Variants in CYP7B1 observed in about 807,000 individuals in gnomAD.
CYP7B1 encodes cytochrome P450 7B1.
In CYP7B1, 29 loss-of-function variants were observed where a neutral mutation model predicts 42.7. That is an observed-to-expected ratio of 0.68 (90% confidence interval 0.51 to 0.93). CYP7B1 has a LOEUF of 0.93. CYP7B1 is among the 40% of genes least tolerant of loss of function. The pLI is 0.00. For missense variants in CYP7B1, 655 were observed against 600.5 expected (o/e 1.09, Z -0.95); for synonymous variants, 235 against 218.2 (o/e 1.08, Z -0.68).
intron 1 of CYP7B1, among the ~76,000 whole-genome samples, chr8:64,667,169 G>A (rs1806293349): frequency 6.6e-6 from 1 of 152,126 alleles, no homozygotes. Flanking sequence ...AATAGAAGGA[G>A]GAAAGAAACC....
At chr8:64,743,488 A>AAGTCCAAGATCAAGGTGTCCACAGGGTT (rs1807598881) in intron 1 of CYP7B1, among the ~76,000 whole-genome samples, 3 of 152,174 alleles carry the variant, frequency 2.0e-5, no homozygotes, top group Admixed American at 1.3e-4. Flanking sequence ...TGGAAGCTAA[A>AAGTCCAAGATCAAGGTGTCCACAGGGTT]AGTCCAAGAT....
chr8:64,730,911 C>G (rs1807399321), intron 1 of CYP7B1, among the ~76,000 whole-genome samples: 1 of 152,108 alleles, frequency 6.6e-6, no homozygotes, highest in African/African-American at 2.4e-5. Context: ...TCCCCTCATG[C>G]TGGTCTCATG....
At chr8:64,621,732 CA>C (rs1437603450) in intron 2 of CYP7B1, among the ~76,000 whole-genome samples, 1 of 143,776 alleles carries the variant, frequency 7.0e-6, no homozygotes, top group Non-Finnish European at 1.5e-5. Flanking sequence ...AGAATGCATA[CA>C]ATTTTTTTTT....
chr8:64,751,638 A>G (rs1807727128), intron 1 of CYP7B1, among the ~76,000 whole-genome samples: 1 of 152,202 alleles, frequency 6.6e-6, no homozygotes, highest in Non-Finnish European at 1.5e-5. Context: ...AACGGCATGC[A>G]TGCATTTCAG....
In CYP7B1 at chr8:64,593,232, GGTGTGTGTGTGTGTGTGTGTGT is replaced by G. The variant is rs57590025; in HGVS notation, c.*3388_*3409del. On this transcript the variant is annotated 3_prime_UTR_variant, in exon 6 of 6. Coordinates refer to ENST00000310193, the MANE Select transcript of CYP7B1 (RefSeq NM_004820.5). ...TGGTGGACTAAAGGCTAGGGCCCAG[GGTGTGTGTGTGTGTGTGTGTGT>G]GTGTGTGTGTGTGTGTGTGTGTGTG... Among the ~76,000 whole-genome samples the G allele has an allele frequency of 4.9e-5, 6 of 123,454 alleles. 1 individual carries two copies. The highest frequency in any genetic ancestry group is 4.6e-4 in the East Asian group (2 of 4,334). 81.0% of individuals were successfully genotyped at this position (123,454 alleles called of 152,430 possible).
Position 64,638,724 on chromosome 8 carries a change from C to T in CYP7B1, c.123-14185G>A, listed in dbSNP as rs960250700. 2.6e-5 allele frequency among the ~76,000 whole-genome samples: 4 copies of T among 151,990 alleles called. No individual in the cohort carries two copies. The East Asian group carries it at 5.8e-4, about 22-fold the overall frequency. ...TCACTGTGTTGTTCCCAAAACTACT[C>T]CAACACTCGCGTAAGTGATACTAAT... On this transcript the variant is annotated intron_variant, in intron 1 of 5. Coordinates refer to ENST00000310193, the MANE Select transcript of CYP7B1 (RefSeq NM_004820.5).
At position 64,604,710 on chromosome 8, in the gene CYP7B1, C is replaced by T. The variant is rs1412231521; in HGVS notation, c.1205G>A (p.Gly402Asp). The T allele has an allele frequency of 5.6e-6, 9 of 1,613,970 alleles. No individual in the cohort carries two copies. The highest frequency in any genetic ancestry group is 2.7e-5 in the African/African-American group (2 of 74,886). The change falls in exon 5 of 6, where the codon GGT becomes GAT. Residue 402 changes from glycine (G) to aspartate (D), a missense_variant. By Grantham distance (94) the Gly-to-Asp change is moderately conservative. Transcript: ENST00000310193. Reference protein sequence around the residue: ...LVAIFPPVLHGDPEIFEAPEE... With the variant: ...LVAIFPPVLHDDPEIFEAPEE... ...TGGAGCTTCAAAGATTTCAGGGTCA[C>T]CATGTAGGACTGGAGGAAAGATGGC...
At chr8:64,722,216 G>C (rs1412732095) in intron 1 of CYP7B1, among the ~76,000 whole-genome samples, 2 of 152,166 alleles carry the variant, frequency 1.3e-5, no homozygotes, top group Non-Finnish European at 2.9e-5. Flanking sequence ...AAAACTCTAT[G>C]TTGGAAGGCC....
intron 1 of CYP7B1, among the ~76,000 whole-genome samples, chr8:64,793,286 C>A (rs1047410758): frequency 6.6e-6 from 1 of 152,016 alleles, no homozygotes; most frequent in Non-Finnish European, 1.5e-5. Flanking sequence ...GTTTAAGTGT[C>A]TTATTTTAAA....
At chr8:64,714,672 T>C (rs1807127549) in intron 1 of CYP7B1, among the ~76,000 whole-genome samples, 1 of 152,184 alleles carries the variant, frequency 6.6e-6, no homozygotes, top group South Asian at 2.1e-4. Flanking sequence ...GATGGACAGG[T>C]CTGGACACGA....
At chr8:64,774,182 C>T (rs73242282) in intron 1 of CYP7B1, among the ~76,000 whole-genome samples, 1,987 of 152,294 alleles carry the variant, frequency 0.013, 35 homozygotes, top group African/African-American at 0.044. Flanking sequence ...TTTTCTGTGG[C>T]TTATCACTAT....
At chr8:64,749,998 G>C (rs1458111411) in intron 1 of CYP7B1, among the ~76,000 whole-genome samples, 1 of 152,156 alleles carries the variant, frequency 6.6e-6, no homozygotes, top group Non-Finnish European at 1.5e-5. Context: ...GGTGCACACT[G>C]TTTCTTGAAT....
intron 1 of CYP7B1, among the ~76,000 whole-genome samples, chr8:64,636,001 G>A (rs1338096039): frequency 6.6e-6 from 1 of 152,178 alleles, no homozygotes; most frequent in South Asian, 2.1e-4. Flanking sequence ...TAATCTGGGA[G>A]GGGTGCTTAG....
In CYP7B1 at chr8:64,643,542, G is replaced by A. The variant is rs145872410; in HGVS notation, c.123-19003C>T. 4.4e-3 allele frequency among the ~76,000 whole-genome samples: 673 copies of A among 152,274 alleles called. 3 individuals are homozygous for A. Among genetic ancestry groups the A allele is most frequent in the Non-Finnish European group, 6.3e-3 (428 of 68,026 alleles). ...CTGATTAGGGTGGTGATTACTGAAGGTTGGAGTGACTGGCAATTTCTTAAA... is the reference window on the plus strand; with the variant it reads ...CTGATTAGGGTGGTGATTACTGAAGATTGGAGTGACTGGCAATTTCTTAAA... On this transcript the variant is annotated intron_variant, in intron 1 of 5. Coordinates refer to ENST00000310193, the MANE Select transcript of CYP7B1 (RefSeq NM_004820.5).
chr8:64,672,771 C>T (rs1372553603), intron 1 of CYP7B1, among the ~76,000 whole-genome samples: 5 of 151,986 alleles, frequency 3.3e-5, no homozygotes, highest in Non-Finnish European at 5.9e-5. Context: ...TTTCTTGGCC[C>T]AGATAAGCTG....
chr8:64,765,262 T>C (rs1462408571), intron 1 of CYP7B1, among the ~76,000 whole-genome samples: 1 of 152,232 alleles, frequency 6.6e-6, no homozygotes, highest in African/African-American at 2.4e-5. Flanking sequence ...GTAACCTGCA[T>C]TATCCTAATC....
intron 1 of CYP7B1, among the ~76,000 whole-genome samples, chr8:64,636,323 C>A (rs550062924): frequency 6.6e-6 from 1 of 152,074 alleles, no homozygotes. Flanking sequence ...TATTTGCCTC[C>A]GGTTCCTCAT....
At chr8:64,738,127 T>C (rs1156420012) in intron 1 of CYP7B1, among the ~76,000 whole-genome samples, 1 of 152,230 alleles carries the variant, frequency 6.6e-6, no homozygotes, top group Admixed American at 6.5e-5. Flanking sequence ...TCTCTGAGTA[T>C]CTGCATACCT....
chr8:64,709,987 C>T (rs1807057258), intron 1 of CYP7B1, among the ~76,000 whole-genome samples: 1 of 152,058 alleles, frequency 6.6e-6, no homozygotes, highest in Non-Finnish European at 1.5e-5. Context: ...TTGACATTTT[C>T]TACAGGCCAT....
Sources: gnomAD v4.1 joint callset for allele counts (sites outside exome capture counted in the v4.1 genomes callset) on GRCh38, gnomAD v4.1.1 for gene constraint, MANE v1.5 for transcripts, NCBI Gene and HGNC (gene_info 2026-07-23, HGNC 2026-07-21) for gene names.